The following SLC6A17 variants were observed in gnomAD, a reference collection of about 807,000 sequenced individuals.
The protein encoded by SLC6A17 is sodium-dependent neutral amino acid transporter SLC6A17.
Under a neutral mutation model 64.5 loss-of-function variants are expected in SLC6A17, and 21 were observed. The observed-to-expected ratio is 0.33, with a 90% CI of 0.23 to 0.47. SLC6A17 has a LOEUF of 0.47. SLC6A17 is among the 20% of genes least tolerant of loss of function. The pLI is 1.00. For missense variants in SLC6A17, 682 were observed against 963.2 expected (o/e 0.71, Z 3.86); for synonymous variants, 372 against 399.5 (o/e 0.93, Z 0.82).
chr1:110,186,523 G>A (rs760205531), intron 6 of SLC6A17, among the ~76,000 whole-genome samples: 1 of 151,572 alleles, frequency 6.6e-6, no homozygotes. Context: ...GTTTTAGAAA[G>A]TAGAAGTTTG....
chr1:110,197,391 G>A (rs1419425895), intron 10 of SLC6A17, 46 bp from the exon 11 acceptor site: 1 of 1,569,630 alleles, frequency 6.4e-7, no homozygotes, highest in Admixed American at 1.8e-5. Flanking sequence ...AGAGGGAGGT[G>A]TGACTGAGGG....
intron 3 of SLC6A17, 78 bp from the exon 4 acceptor site, chr1:110,173,895 G>A: frequency 9.2e-6 from 14 of 1,525,498 alleles, no homozygotes; most frequent in East Asian, 4.9e-5. Context: ...CTGCCGACGT[G>A]CTGGGCCTCG....
chr1:110,182,911 C>T (rs995903388), intron 6 of SLC6A17, among the ~76,000 whole-genome samples: 7 of 151,942 alleles, frequency 4.6e-5, no homozygotes, highest in Non-Finnish European at 7.4e-5. Context: ...AGGAGTTTTG[C>T]GATACAGGAG....
chr1:110,171,990 C>G, intron 2 of SLC6A17, 70 bp from the exon 3 acceptor site: 1 of 1,564,966 alleles, frequency 6.4e-7, no homozygotes, highest in Non-Finnish European at 8.7e-7. Context: ...GAAGACATGG[C>G]TGCGGCCCCT....
In SLC6A17 at chr1:110,198,259, C is replaced by A. The variant is rs1195708925; in HGVS notation, c.1999C>A (p.Leu667Met). The change falls in exon 12 of 12, where the codon CTG (leucine) becomes ATG (methionine). Residue 667 changes from leucine to methionine, a missense_variant. Coordinates refer to ENST00000331565, the MANE Select transcript of SLC6A17 (RefSeq NM_001010898.4). ...CCGCATGATGAAGGACATCTCCAAC[C>A]TGGAGGAGAACGATGAGACCCGCTT... ...KGRMMKDISN[L>M]EENDETRFIL... 6.2e-7 allele frequency: 1 copy of A among 1,614,202 alleles called. No individual in the cohort carries two copies. Among genetic ancestry groups the A allele is most frequent in the Admixed American group, 1.7e-5 (1 of 60,028 alleles).
In SLC6A17 at chr1:110,199,639, G is replaced by C. The variant is rs1571007560; in HGVS notation, c.*1195G>C. 3 of 271,490 alleles carry C rather than the reference G, an allele frequency of 1.1e-5. No homozygotes were observed. In the East Asian group the frequency reaches 1.9e-4, roughly 17 times the overall value. 16.8% of individuals were successfully genotyped at this position (271,490 alleles called of 1,614,324 possible). Reference sequence around the variant, plus strand: ...AAGCCTTCCTGGCCCACAGTGGCCAGTGCCATAGGCAGTGCTGTGGACAGT... The same window carrying C: ...AAGCCTTCCTGGCCCACAGTGGCCACTGCCATAGGCAGTGCTGTGGACAGT... On this transcript the variant is annotated 3_prime_UTR_variant, in exon 12 of 12. Transcript: ENST00000331565.
At chr1:110,176,576 T>C in intron 5 of SLC6A17, 53 bp from the exon 6 acceptor site, 1 of 1,530,512 alleles carries the variant, frequency 6.5e-7, no homozygotes, top group Non-Finnish European at 9.0e-7. Context: ...GGATGGGGGG[T>C]GCCAGCTGCA....
chr1:110,192,380 A>G lies in SLC6A17; in HGVS notation c.1107-126A>G. The stretch of plus-strand genomic sequence containing the variant: ...GTCCCCAGCTCCGGGCCACAGGGAC[A>G]AGCTCAGAGATGCCTCTGTCAGTGA... On this transcript the variant is annotated intron_variant, in intron 7 of 11. Transcript: ENST00000331565. The surrounding 1 kb of genome is among the most constrained non-coding windows in gnomAD (Gnocchi z 4.3). The G allele has an allele frequency of 1.4e-6, 2 of 1,443,050 alleles. No individual in the cohort carries two copies. The highest frequency in any genetic ancestry group is 1.9e-6 in the Non-Finnish European group (2 of 1,067,420). The allele number at this position is 1,443,050 out of a possible 1,614,324, so 89.4% of individuals were successfully genotyped here.
At chr1:110,171,893 G>A (rs535500940) in intron 2 of SLC6A17, among the ~76,000 whole-genome samples, 167 bp from the exon 3 acceptor site, 2 of 152,258 alleles carry the variant, frequency 1.3e-5, no homozygotes, top group East Asian at 3.9e-4. Context: ...CTGCTGTGTG[G>A]TAGGCCACAC....
chr1:110,190,468 G>T (rs1049943122), intron 6 of SLC6A17, among the ~76,000 whole-genome samples: 1 of 152,212 alleles, frequency 6.6e-6, no homozygotes, highest in Non-Finnish European at 1.5e-5. Flanking sequence ...CATCTCAGCT[G>T]TTGGAGTGCT....
Position 110,195,716 on chromosome 1 carries a change from C to A in SLC6A17, c.1623C>A (p.Ile541=), listed in dbSNP as rs775614013. Residue 541 remains isoleucine (I), a synonymous_variant, in exon 10 of 12, where the codon ATC becomes ATA. Coordinates refer to ENST00000331565, the MANE Select transcript of SLC6A17 (RefSeq NM_001010898.4). The part of the protein sequence containing the change: ...PLTLIVILEN[I]AVAWIYGTKK... ...CTCTCATCGTCATCCTTGAGAACAT[C>A]GCTGTGGCCTGGATTTATGGAACCA... 5.0e-6 allele frequency: 8 copies of A among 1,614,202 alleles called. No individual in the cohort carries two copies. In the South Asian group the frequency reaches 7.7e-5, roughly 16 times the overall value.
In SLC6A17 at chr1:110,198,436, G is replaced by T. The variant is rs1360987597; in HGVS notation, c.2176G>T (p.Glu726Ter). Residue 726 changes from glutamate (E) to a stop codon, truncating the protein, a stop_gained, in exon 12 of 12, where the codon GAG (glutamate) becomes TAG (stop). Transcript: ENST00000331565. LOFTEE classifies it high-confidence loss of function. ...GYLLASTPES[E>*]L ...CCTGCTGGCCAGCACCCCTGAGTCG[G>T]AGCTGTGACCACTGCCCAAGCCCTG... 1 of 1,606,742 alleles carries T rather than the reference G, an allele frequency of 6.2e-7. No homozygotes were observed. The highest frequency in any genetic ancestry group is 1.1e-5 in the South Asian group (1 of 90,188).
In SLC6A17 at chr1:110,200,025, A is replaced by AT. The variant is rs1657082056; in HGVS notation, c.*1582dup. On this transcript the variant is annotated 3_prime_UTR_variant, in exon 12 of 12. Transcript: ENST00000331565. Reference sequence around the variant, plus strand: ...GGAGAAAGGAGGGAATACTGGCTCCATCTTTGAGAGCTCTGGTGGGCAGGG... The same window carrying AT: ...GGAGAAAGGAGGGAATACTGGCTCCATTCTTTGAGAGCTCTGGTGGGCAGGG... 2.5e-6 allele frequency: 1 copy of AT among 398,354 alleles called. No individual in the cohort carries two copies. Among genetic ancestry groups the AT allele is most frequent in the Non-Finnish European group, 4.4e-6 (1 of 226,058 alleles). 24.7% of individuals were successfully genotyped at this position (398,354 alleles called of 1,614,324 possible).
chr1:110,171,587 C>T (rs775851449), intron 2 of SLC6A17, among the ~76,000 whole-genome samples: 9 of 152,060 alleles, frequency 5.9e-5, no homozygotes, highest in Admixed American at 3.3e-4. Context: ...GCTGTGTCAG[C>T]GTCTGGTTCA....
rs1657019242 is a variant in SLC6A17, at chr1:110,198,099, C to T, written c.1839C>T (p.Phe613=). 3 of 1,613,190 alleles carry T rather than the reference C, an allele frequency of 1.9e-6. No homozygotes were observed. In the African/African-American group the frequency reaches 4.0e-5, roughly 22 times the overall value. Residue 613 remains phenylalanine (F), a synonymous_variant, in exon 12 of 12, where the codon TTC becomes TTT. Transcript: ENST00000331565. The stretch of plus-strand genomic sequence containing the variant: ...AGGCTGCCGAGCGCTACCTGTATTT[C>T]CCCAACTGGGCCATGGCACTCCTGA... ...KEEAAERYLY[F]PNWAMALLIT... is the part of the protein sequence containing the mutation.
intron 1 of SLC6A17, among the ~76,000 whole-genome samples, chr1:110,151,252 T>C (rs1655593404): frequency 6.6e-6 from 1 of 152,268 alleles, no homozygotes; most frequent in Non-Finnish European, 1.5e-5. Context: ...ATCCGCGGCT[T>C]GAAACTGCGC....
rs938514769 is a variant in SLC6A17, at chr1:110,189,939, G to T, written c.865-2033G>T. Among the ~76,000 whole-genome samples the T allele has an allele frequency of 3.9e-5, 6 of 152,312 alleles. No individual in the cohort carries two copies. In the East Asian group the frequency reaches 7.7e-4, roughly 20 times the overall value. ...TGGGTGCCCAGCCTTCACAGCCCTTGTCACATTTGCAATTTAGCATTTGTT... is the reference window on the plus strand; with the variant it reads ...TGGGTGCCCAGCCTTCACAGCCCTTTTCACATTTGCAATTTAGCATTTGTT... On this transcript the variant is annotated intron_variant, in intron 6 of 11. Transcript: ENST00000331565.
Position 110,200,123 on chromosome 1 carries a change from C to T in SLC6A17, c.*1679C>T, listed in dbSNP as rs1657084446. The T allele has an allele frequency of 5.0e-6, 2 of 398,538 alleles. No individual in the cohort carries two copies. Among genetic ancestry groups the T allele is most frequent in the Non-Finnish European group, 8.8e-6 (2 of 226,060 alleles). The allele number at this position is 398,538 out of a possible 1,614,324, so 24.7% of individuals were successfully genotyped here. A position where few individuals can be genotyped will look rare whatever the true frequency, so the allele number is the denominator to read the frequency against. On this transcript the variant is annotated 3_prime_UTR_variant, in exon 12 of 12. Coordinates refer to ENST00000331565, the MANE Select transcript of SLC6A17 (RefSeq NM_001010898.4). ...CAAGTCACTCTTGTGGCTCAGATTG[C>T]TCTTAGGACCTGGAGGGACAGACCA...
chr1:110,185,097 G>A (rs1368663413), intron 6 of SLC6A17, among the ~76,000 whole-genome samples: 7 of 152,154 alleles, frequency 4.6e-5, no homozygotes, highest in African/African-American at 1.2e-4. Flanking sequence ...TTACCAGAGC[G>A]TGGGCTCTGG....
Sources: allele counts gnomAD v4.1 joint callset (sites outside exome capture counted in the v4.1 genomes callset), GRCh38; gene constraint gnomAD v4.1.1; non-coding constraint Gnocchi (gnomAD v3.1); transcripts MANE v1.5; gene names NCBI Gene and HGNC (gene_info 2026-07-23, HGNC 2026-07-21).